KHDRBS2: variants seen among roughly 807,000 people sequenced by gnomAD.
KHDRBS2 encodes KH RNA binding domain containing, signal transduction associated 2.
KHDRBS2 carries 26 observed loss-of-function variants against 44.3 expected under a neutral mutation model. The ratio of observed to expected loss-of-function variants is 0.59; its 90% CI spans 0.43 to 0.81. The LOEUF (loss-of-function observed/expected upper bound fraction) is 0.81, where lower values mean the gene tolerates loss of function less well. Among genes scored for constraint, KHDRBS2 ranks in the 40% least tolerant of loss-of-function variants. The pLI, the probability that KHDRBS2 is intolerant of heterozygous loss-of-function variation, is 0.00. For synonymous variants in KHDRBS2, 194 were observed against 151.1 expected, an observed-to-expected ratio of 1.28 and a Z score of -2.08; for missense variants, 476 against 433.1, an observed-to-expected ratio of 1.10 and a Z score of -0.88.
At chr6:61,937,858 G>A (rs1466903025) in intron 4 of KHDRBS2, among the ~76,000 whole-genome samples, 1 of 151,984 alleles carries the variant, frequency 6.6e-6, no homozygotes, top group Non-Finnish European at 1.5e-5. Flanking sequence ...TCCACTCCTA[G>A]GCACTGCTGT....
At chr6:61,981,533 T>C (rs1260289016) in intron 3 of KHDRBS2, among the ~76,000 whole-genome samples, 1 of 152,180 alleles carries the variant, frequency 6.6e-6, no homozygotes, top group Non-Finnish European at 1.5e-5. Flanking sequence ...CCTCGTATAC[T>C]TACTTTTGAA....
At chr6:61,994,822 G>A (rs769619087) in intron 3 of KHDRBS2, among the ~76,000 whole-genome samples, 9 of 152,282 alleles carry the variant, frequency 5.9e-5, no homozygotes, top group East Asian at 3.9e-4. Flanking sequence ...GACAGAGTGC[G>A]TGTGGGGTCT....
the KHDRBS2 span, among the ~76,000 whole-genome samples, chr6:61,633,260 C>A: frequency 1.3e-5 from 2 of 151,960 alleles, no homozygotes; most frequent in African/African-American, 4.8e-5. Context: ...GAGAAAGATA[C>A]TCTCGAAATA....
chr6:61,769,759 GC>G (rs1780564606), intron 6 of KHDRBS2, among the ~76,000 whole-genome samples: 1 of 152,212 alleles, frequency 6.6e-6, no homozygotes, highest in Non-Finnish European at 1.5e-5. Context: ...ACCTCTGGGG[GC>G]AGGGCACAGA....
At chr6:61,621,733 A>T in the KHDRBS2 span, among the ~76,000 whole-genome samples, 2 of 152,186 alleles carry the variant, frequency 1.3e-5, no homozygotes, top group Non-Finnish European at 2.9e-5. Context: ...CTTGCTTCTA[A>T]TCATAACAGA....
chr6:62,187,225 T>C (rs1199432722), intron 1 of KHDRBS2, among the ~76,000 whole-genome samples: 3 of 152,152 alleles, frequency 2.0e-5, no homozygotes, highest in Non-Finnish European at 4.4e-5. Context: ...ACCTACATTA[T>C]ACAAAAGGAA....
At chr6:62,268,797 G>C (rs1696382705) in intron 1 of KHDRBS2, among the ~76,000 whole-genome samples, 2 of 151,708 alleles carry the variant, frequency 1.3e-5, no homozygotes, top group African/African-American at 4.8e-5. Flanking sequence ...ATTTAAAGTA[G>C]AGTATAAACA....
chr6:61,726,798 C>T (rs1279871218), intron 7 of KHDRBS2, among the ~76,000 whole-genome samples: 3 of 152,130 alleles, frequency 2.0e-5, no homozygotes, highest in Non-Finnish European at 4.4e-5. Context: ...AAAAACATTC[C>T]ATGCTTATGG....
At chr6:62,255,152 TC>T (rs1308467680) in intron 1 of KHDRBS2, among the ~76,000 whole-genome samples, 1 of 151,978 alleles carries the variant, frequency 6.6e-6, no homozygotes, top group Non-Finnish European at 1.5e-5. Context: ...AAATAGATCA[TC>T]TTCCCAAAGT....
intron 1 of KHDRBS2, among the ~76,000 whole-genome samples, chr6:62,220,149 C>CA (rs1048019709): frequency 2.0e-5 from 3 of 150,506 alleles, no homozygotes; most frequent in South Asian, 2.1e-4. Context: ...TCAAATATTC[C>CA]AAAAAAAAGT....
intron 3 of KHDRBS2, among the ~76,000 whole-genome samples, chr6:61,992,648 G>A (rs567243032): frequency 6.6e-6 from 1 of 152,274 alleles, no homozygotes; most frequent in South Asian, 2.1e-4. Flanking sequence ...TGTAACCAGA[G>A]TGGGAACAGT....
intron 3 of KHDRBS2, among the ~76,000 whole-genome samples, chr6:62,036,970 C>G (rs962708703): frequency 6.6e-6 from 1 of 151,930 alleles, no homozygotes; most frequent in Non-Finnish European, 1.5e-5. Context: ...CACAGTTATC[C>G]TCATAATATT....
At chr6:61,875,597 T>C (rs1300724774) in intron 6 of KHDRBS2, among the ~76,000 whole-genome samples, 2 of 152,130 alleles carry the variant, frequency 1.3e-5, no homozygotes, top group Non-Finnish European at 2.9e-5. Context: ...AAGGAAACCT[T>C]GAAACAAGGA....
chr6:61,597,860 A>G, the KHDRBS2 span, among the ~76,000 whole-genome samples: 1 of 139,962 alleles, frequency 7.1e-6, no homozygotes, highest in Non-Finnish European at 1.6e-5. Context: ...AAACACACAA[A>G]CAAAGAAACA....
chr6:61,637,988 G>A, the KHDRBS2 span, among the ~76,000 whole-genome samples: 928 of 152,104 alleles, frequency 6.1e-3, 12 homozygotes, highest in African/African-American at 0.021. Flanking sequence ...TAGGTTGCCT[G>A]TTCACTCTGA....
intron 3 of KHDRBS2, among the ~76,000 whole-genome samples, chr6:61,990,345 A>T (rs183586737): frequency 1.2e-3 from 186 of 152,342 alleles, no homozygotes; most frequent in Admixed American, 2.2e-3. Context: ...GGCAATAATA[A>T]TTTTTTAAAA....
intron 6 of KHDRBS2, among the ~76,000 whole-genome samples, chr6:61,763,583 GA>G (rs1390377208): frequency 1.3e-5 from 2 of 152,244 alleles, no homozygotes; most frequent in East Asian, 3.9e-4. Flanking sequence ...TTTTAGAGTT[GA>G]AAATGGGCAA....
In KHDRBS2 at chr6:61,976,170, T is replaced by A. The variant is rs114252275; in HGVS notation, c.483+1896A>T. ...CCCCCAAATTTTACCTGGATAGCTA[T>A]TTTATCCCCTGCACCACTCCTCATG... On this transcript the variant is annotated intron_variant, in intron 4 of 8. Coordinates refer to ENST00000281156, the MANE Select transcript of KHDRBS2 (RefSeq NM_152688.4). Among the ~76,000 whole-genome samples, 465 of 152,274 alleles carry A rather than the reference T, an allele frequency of 3.1e-3. 2 individuals are homozygous for A. The highest frequency in any genetic ancestry group is 0.011 in the African/African-American group (444 of 41,566).
At chr6:61,859,173 G>C (rs1270299216) in intron 6 of KHDRBS2, among the ~76,000 whole-genome samples, 2 of 151,748 alleles carry the variant, frequency 1.3e-5, no homozygotes, top group African/African-American at 4.8e-5. Context: ...AATTCCTCAA[G>C]AGCTTCAAAT....
Sources: gnomAD v4.1 joint callset for allele counts (sites outside exome capture counted in the v4.1 genomes callset) on GRCh38, gnomAD v4.1.1 for gene constraint, MANE v1.5 for transcripts, NCBI Gene and HGNC (gene_info 2026-07-23, HGNC 2026-07-21) for gene names.